Variants in IL1RAPL2 observed in about 807,000 individuals in gnomAD.
IL1RAPL2 encodes X-linked interleukin-1 receptor accessory protein-like 2.
Under a neutral mutation model 44.1 loss-of-function variants are expected in IL1RAPL2, and 3 were observed. The ratio of observed to expected loss-of-function variants is 0.07; its 90% CI spans 0.03 to 0.18. The LOEUF (loss-of-function observed/expected upper bound fraction) is 0.18. IL1RAPL2 is among the 10% of genes least tolerant of loss of function. The pLI is 1.00. For missense variants in IL1RAPL2, 391 were observed against 496.4 expected (o/e 0.79, Z 2.02); for synonymous variants, 181 against 178.8 (o/e 1.01, Z -0.10).
At chrX:104,913,456 A>G (rs2147685069) in intron 2 of IL1RAPL2, among the ~76,000 whole-genome samples, 1 of 111,588 alleles carries the variant, frequency 9.0e-6, no homozygotes, top group East Asian at 2.8e-4. Flanking sequence ...TGGAAGGGGT[A>G]TGTTCTGTTT....
intron 5 of IL1RAPL2, among the ~76,000 whole-genome samples, chrX:105,316,769 A>G (rs1234744989): frequency 8.9e-6 from 1 of 112,274 alleles, no homozygotes; most frequent in Non-Finnish European, 1.9e-5. Flanking sequence ...TTTTGCCTTC[A>G]CTGTGTAATG....
chrX:105,573,604 T>A (rs1399601592), intron 6 of IL1RAPL2, among the ~76,000 whole-genome samples: 1 of 110,519 alleles, frequency 9.0e-6, no homozygotes, highest in Non-Finnish European at 1.9e-5. Flanking sequence ...GGGAGGAGTG[T>A]GAGATGACTT....
At chrX:105,598,811 T>C (rs961174078) in intron 6 of IL1RAPL2, among the ~76,000 whole-genome samples, 6 of 112,382 alleles carry the variant, frequency 5.3e-5, no homozygotes, top group Admixed American at 9.4e-5. Flanking sequence ...ATTTTCTCTC[T>C]TCTTTGAAAT....
chrX:104,777,877 T>C (rs1932745614), intron 2 of IL1RAPL2, among the ~76,000 whole-genome samples: 1 of 111,330 alleles, frequency 9.0e-6, no homozygotes, highest in Non-Finnish European at 1.9e-5. Context: ...TTTGGAGCTA[T>C]ACCAAGAAGT....
At chrX:105,395,318 C>T (rs926268386) in intron 5 of IL1RAPL2, among the ~76,000 whole-genome samples, 1 of 109,049 alleles carries the variant, frequency 9.2e-6, no homozygotes, top group Non-Finnish European at 1.9e-5. Flanking sequence ...TGAAAGGGTT[C>T]TCACATATAT....
intron 8 of IL1RAPL2, among the ~76,000 whole-genome samples, chrX:105,747,535 TACACACAC>T (rs775778131): frequency 1.5e-5 from 1 of 67,481 alleles, no homozygotes; most frequent in African/African-American, 4.5e-5. Flanking sequence ...TATATATATA[TACACACAC>T]ACACACACAT....
intron 1 of IL1RAPL2, among the ~76,000 whole-genome samples, chrX:104,600,250 C>T (rs752460407): frequency 9.0e-6 from 1 of 111,461 alleles, no homozygotes; most frequent in Non-Finnish European, 1.9e-5. Context: ...TGACATGTAA[C>T]CTAACAATGG....
intron 1 of IL1RAPL2, among the ~76,000 whole-genome samples, chrX:104,571,778 G>A (rs1212994786): frequency 4.5e-5 from 5 of 111,599 alleles, no homozygotes; most frequent in African/African-American, 1.3e-4. Context: ...TACACAGCAC[G>A]GCCAACCATT....
intron 2 of IL1RAPL2, among the ~76,000 whole-genome samples, chrX:105,021,372 GA>G (rs1465963346): frequency 2.7e-5 from 3 of 111,203 alleles, no homozygotes; most frequent in African/African-American, 9.8e-5. Context: ...AAAGAAGAAC[GA>G]AAAGAGATCA....
At position 104,779,187 on chromosome X, in the gene IL1RAPL2, A is replaced by G. The variant is rs536002976; in HGVS notation, c.82+120192A>G. 5.3e-5 allele frequency among the ~76,000 whole-genome samples: 6 copies of G among 112,500 alleles called. No homozygotes were observed. The South Asian group carries it at 2.2e-3, about 41-fold the overall frequency. ...TATTAGGAAGATATAATAGATAGAA[A>G]TGTGTTTTTTGACAGAATTTGAAGA... On this transcript the variant is annotated intron_variant, in intron 2 of 10. Coordinates refer to ENST00000372582, the MANE Select transcript of IL1RAPL2 (RefSeq NM_017416.2).
intron 6 of IL1RAPL2, among the ~76,000 whole-genome samples, chrX:105,528,245 T>A (rs1450348315): frequency 9.0e-6 from 1 of 111,689 alleles, no homozygotes; most frequent in Non-Finnish European, 1.9e-5. Flanking sequence ...TTATCTCATT[T>A]AATCCCTACA....
intron 2 of IL1RAPL2, among the ~76,000 whole-genome samples, chrX:104,898,680 T>A (rs746162083): frequency 7.1e-5 from 8 of 112,285 alleles, no homozygotes; most frequent in Non-Finnish European, 1.5e-4. Flanking sequence ...AAAATAGCCA[T>A]TTTTTCCCAT....
chrX:105,207,854 A>G (rs2033776757), intron 3 of IL1RAPL2, among the ~76,000 whole-genome samples: 2 of 112,669 alleles, frequency 1.8e-5, no homozygotes, highest in African/African-American at 6.4e-5. Context: ...AAGAAGGGAA[A>G]AGCTGCAAAC....
chrX:104,884,554 C>G (rs370728659), intron 2 of IL1RAPL2, among the ~76,000 whole-genome samples: 1 of 103,542 alleles, frequency 9.7e-6, no homozygotes, highest in South Asian at 4.5e-4. Flanking sequence ...CCAATTTGAC[C>G]CGCAAACCCT....
chrX:105,406,295 C>T (rs1334405669), intron 5 of IL1RAPL2: 27 of 1,034,846 alleles, frequency 2.6e-5, no homozygotes, highest in African/African-American at 3.7e-5. Flanking sequence ...CTTAATTGAC[C>T]GAAGTCCTGA....
At chrX:104,668,057 G>A (rs1206717185) in intron 2 of IL1RAPL2, among the ~76,000 whole-genome samples, 2 of 111,079 alleles carry the variant, frequency 1.8e-5, no homozygotes, top group Admixed American at 9.6e-5. Context: ...ATATGTGGAT[G>A]CATAAAGTGC....
intron 2 of IL1RAPL2, among the ~76,000 whole-genome samples, chrX:105,179,001 A>T (rs1213679810): frequency 8.9e-6 from 1 of 111,867 alleles, no homozygotes; most frequent in Non-Finnish European, 1.9e-5. Context: ...TAATTTAATC[A>T]AGTTCTATTT....
At chrX:105,734,750 T>C (rs1018368420) in intron 7 of IL1RAPL2, among the ~76,000 whole-genome samples, 2 of 111,321 alleles carry the variant, frequency 1.8e-5, no homozygotes, top group Non-Finnish European at 3.8e-5. Flanking sequence ...AAATGGTCAC[T>C]TTTCCCTTTC....
intron 5 of IL1RAPL2, among the ~76,000 whole-genome samples, chrX:105,409,845 TAGAC>T (rs1556311285): frequency 2.5e-3 from 217 of 85,972 alleles, no homozygotes; most frequent in Non-Finnish European, 3.6e-3. Context: ...GATAGATAGA[TAGAC>T]AGACAGACAG....
Sources: allele counts gnomAD v4.1 joint callset (sites outside exome capture counted in the v4.1 genomes callset), GRCh38; gene constraint gnomAD v4.1.1; transcripts MANE v1.5; gene names NCBI Gene and HGNC (gene_info 2026-07-23, HGNC 2026-07-21).